SH3KBP1: variants seen among roughly 807,000 people sequenced by gnomAD.
SH3KBP1 encodes SH3 domain-containing kinase-binding protein 1.
A neutral mutation model predicts 50.1 loss-of-function variants in SH3KBP1; 8 were observed. That is an observed-to-expected ratio of 0.16 (90% CI 0.09 to 0.29). The LOEUF is 0.29. SH3KBP1 is among the 10% of genes least tolerant of loss of function. The pLI, the probability that SH3KBP1 is intolerant of heterozygous loss-of-function variation, is 1.00. For synonymous variants in SH3KBP1, 227 were observed against 218.6 expected, an observed-to-expected ratio of 1.04 and a Z score of -0.34; for missense variants, 377 against 535.2, an observed-to-expected ratio of 0.70 and a Z score of 2.92.
chrX:19,678,349 GTT>G (rs368865059), intron 6 of SH3KBP1, among the ~76,000 whole-genome samples: 437 of 98,228 alleles, frequency 4.4e-3, no homozygotes, highest in Non-Finnish European at 4.7e-3. Context: ...ATTCCAGGAG[GTT>G]TTTTTTTTTT....
At chrX:19,656,802 C>A (rs964522946) in intron 6 of SH3KBP1, among the ~76,000 whole-genome samples, 4 of 112,119 alleles carry the variant, frequency 3.6e-5, no homozygotes, top group Non-Finnish European at 7.5e-5. Context: ...AAACACCAAT[C>A]AATCTACCAT....
At chrX:19,558,524 A>G (rs2065561770) in intron 13 of SH3KBP1, among the ~76,000 whole-genome samples, 1 of 111,999 alleles carries the variant, frequency 8.9e-6, no homozygotes, top group African/African-American at 3.2e-5. Context: ...ATCCATTTTA[A>G]AATATCATAA....
At chrX:19,720,711 T>C (rs2064034589) in intron 3 of SH3KBP1, among the ~76,000 whole-genome samples, 1 of 110,681 alleles carries the variant, frequency 9.0e-6, no homozygotes, top group South Asian at 3.8e-4. Flanking sequence ...CAGTTAAAGG[T>C]AGAATGGGCA....
intron 5 of SH3KBP1, among the ~76,000 whole-genome samples, chrX:19,691,883 C>T (rs963875709): frequency 9.0e-6 from 1 of 111,177 alleles, no homozygotes; most frequent in African/African-American, 3.3e-5. Context: ...CTGGGGTTTG[C>T]CTTCAAGATA....
intron 2 of SH3KBP1, among the ~76,000 whole-genome samples, chrX:19,799,194 C>A (rs1256742052): frequency 9.0e-6 from 1 of 110,654 alleles, no homozygotes; most frequent in African/African-American, 3.3e-5. Flanking sequence ...GAAATGTTAC[C>A]TGCTCCCAAC....
At chrX:19,884,359 A>G (rs1293602558) in intron 1 of SH3KBP1, among the ~76,000 whole-genome samples, 4 of 112,743 alleles carry the variant, frequency 3.5e-5, no homozygotes, top group Admixed American at 1.9e-4. Context: ...AGATGAACAA[A>G]TACTGCTGTA....
intron 2 of SH3KBP1, among the ~76,000 whole-genome samples, chrX:19,756,251 A>G (rs1048100779): frequency 1.6e-4 from 18 of 110,576 alleles, no homozygotes; most frequent in Non-Finnish European, 2.6e-4. Flanking sequence ...TATATTACAT[A>G]CTATATTATA....
intron 8 of SH3KBP1, among the ~76,000 whole-genome samples, chrX:19,627,754 G>A (rs2061490681): frequency 8.9e-6 from 1 of 112,038 alleles, no homozygotes; most frequent in African/African-American, 3.2e-5. Flanking sequence ...AAAAATGAGG[G>A]CAAAGCCTGC....
intron 8 of SH3KBP1, among the ~76,000 whole-genome samples, chrX:19,623,128 T>C (rs2067896857): frequency 9.2e-6 from 1 of 109,247 alleles, no homozygotes; most frequent in African/African-American, 3.3e-5. Context: ...CATTTACCCA[T>C]GCTGCCAAGG....
chrX:19,710,689 G>A (rs1413166942), intron 3 of SH3KBP1, among the ~76,000 whole-genome samples: 1 of 111,235 alleles, frequency 9.0e-6, no homozygotes, highest in African/African-American at 3.3e-5. Context: ...TATAGGGAAA[G>A]ACATAGTATA....
At chrX:19,688,997 G>T (rs2148613700) in intron 5 of SH3KBP1, among the ~76,000 whole-genome samples, 1 of 111,705 alleles carries the variant, frequency 9.0e-6, no homozygotes, top group Non-Finnish European at 1.9e-5. Context: ...AAGGAATTGT[G>T]AATCATCAGA....
chrX:19,762,044 G>T (rs1202976016), intron 2 of SH3KBP1, among the ~76,000 whole-genome samples: 1 of 112,368 alleles, frequency 8.9e-6, no homozygotes, highest in South Asian at 3.6e-4. Flanking sequence ...TTTGGAACAC[G>T]GAAGTGAAAC....
chrX:19,674,394 C>T (rs2062876547), intron 6 of SH3KBP1, among the ~76,000 whole-genome samples: 1 of 112,290 alleles, frequency 8.9e-6, no homozygotes, highest in Admixed American at 9.4e-5. Context: ...AGAGATACCA[C>T]TGCTAATCCA....
intron 2 of SH3KBP1, among the ~76,000 whole-genome samples, chrX:19,785,860 T>C (rs1435951164): frequency 1.8e-5 from 2 of 110,512 alleles, no homozygotes; most frequent in African/African-American, 3.3e-5. Flanking sequence ...TCCACTTACA[T>C]GAACTACTTG....
chrX:19,549,027 A>C (rs61409485), intron 14 of SH3KBP1, among the ~76,000 whole-genome samples: 2,641 of 111,986 alleles, frequency 0.024, 74 homozygotes, highest in African/African-American at 0.081. Context: ...AGTGTTGTTT[A>C]TAATGAGGAA....
At chrX:19,593,313 A>G (rs983339532) in intron 10 of SH3KBP1, among the ~76,000 whole-genome samples, 1 of 111,796 alleles carries the variant, frequency 8.9e-6, no homozygotes, top group Admixed American at 9.5e-5. Flanking sequence ...TCAGAGAACA[A>G]AAGAAGTTAA....
At chrX:19,740,034 A>T (rs960147963) in intron 3 of SH3KBP1, among the ~76,000 whole-genome samples, 8 of 111,288 alleles carry the variant, frequency 7.2e-5, no homozygotes, top group African/African-American at 2.6e-4. Context: ...ACAGAAAAAA[A>T]AATCTAAAAA....
chrX:19,663,451 T>C (rs1034869312), intron 6 of SH3KBP1, among the ~76,000 whole-genome samples: 40 of 111,549 alleles, frequency 3.6e-4, no homozygotes, highest in African/African-American at 1.3e-3. Context: ...TCTCCACTTA[T>C]AAGTTCCGGA....
At chrX:19,605,845 T>C (rs1465545859) in intron 9 of SH3KBP1, among the ~76,000 whole-genome samples, 1 of 112,015 alleles carries the variant, frequency 8.9e-6, no homozygotes, top group Non-Finnish European at 1.9e-5. Context: ...ACAAATAACA[T>C]AAAGATTATG....
Sources: gnomAD v4.1 joint callset for allele counts (sites outside exome capture counted in the v4.1 genomes callset) on GRCh38, gnomAD v4.1.1 for gene constraint, MANE v1.5 for transcripts, NCBI Gene and HGNC (gene_info 2026-07-23, HGNC 2026-07-21) for gene names.